Variants in DNAJB14 observed in about 807,000 individuals in gnomAD.
DNAJB14 encodes the protein dnaJ homolog subfamily B member 14.
DNAJB14 carries 22 observed loss-of-function variants against 48.4 expected under a neutral mutation model. That is an observed-to-expected ratio of 0.45 (90% CI 0.32 to 0.65). The LOEUF is 0.65. Among genes scored for constraint, DNAJB14 ranks in the 30% least tolerant of loss-of-function variants. The probability of loss-of-function intolerance (pLI) is 0.03; values close to 1 mark genes in which losing one functional copy is unlikely to be tolerated. For synonymous variants in DNAJB14, 142 were observed against 158.7 expected (o/e 0.89, Z 0.79); for missense variants, 319 against 458.8 (o/e 0.70, Z 2.78).
intron 3 of DNAJB14, among the ~76,000 whole-genome samples, chr4:99,914,256 C>T (rs949789284): frequency 5.3e-5 from 8 of 152,236 alleles, no homozygotes; most frequent in African/African-American, 1.7e-4. Context: ...AAATGTCCAA[C>T]AATGATAGAC....
Position 99,903,758 on chromosome 4 carries a change from A to T in DNAJB14, c.983T>A (p.Ile328Asn). ...TCTTTCTTTCCAGCAGTTATTTCGA[A>T]TATTAGTCACATAATCTTCCTCCAC... ...KSVEEDYVTN[I>N]RNNCWKERQQ... The change falls in exon 7 of 8, where the codon ATT becomes AAT. Residue 328 changes from isoleucine to asparagine, a missense_variant. Transcript: ENST00000442697. 1 of 1,610,072 alleles carries T rather than the reference A, an allele frequency of 6.2e-7. No homozygotes were observed. The highest frequency in any genetic ancestry group is 8.5e-7 in the Non-Finnish European group (1 of 1,178,786).
At chr4:99,934,719 G>A (rs1282869685) in intron 1 of DNAJB14, among the ~76,000 whole-genome samples, 1 of 145,138 alleles carries the variant, frequency 6.9e-6, no homozygotes, top group Non-Finnish European at 1.5e-5. Context: ...CTTGAACCTG[G>A]AGGTGGAGGT....
In DNAJB14 at chr4:99,897,352, T is replaced by C. The variant is rs938389903; in HGVS notation, c.*3676A>G. ...ACACATAGGGAATATACAAAAAATATGGTGCTATAATCCTTAATATAAGGA... is the reference window on the plus strand; with the variant it reads ...ACACATAGGGAATATACAAAAAATACGGTGCTATAATCCTTAATATAAGGA... On this transcript the variant is annotated 3_prime_UTR_variant, in exon 8 of 8. Transcript: ENST00000442697. The C allele has an allele frequency of 6.6e-6, 1 of 151,668 alleles. No individual in the cohort carries two copies. Among genetic ancestry groups the C allele is most frequent in the African/African-American group, 2.4e-5 (1 of 41,330 alleles). The allele number at this position is 151,668 out of a possible 1,614,324, so 9.4% of individuals were successfully genotyped here.
chr4:99,925,513 T>C (rs953605306), intron 2 of DNAJB14: 1 of 152,162 alleles, frequency 6.6e-6, no homozygotes, highest in African/African-American at 2.4e-5. Flanking sequence ...ATATTATTCC[T>C]ATTTAACCAA....
chr4:99,946,440 G>A lies in DNAJB14; in HGVS notation c.132C>T (p.Arg44=), dbSNP rs751136617. The A allele has an allele frequency of 3.7e-6, 6 of 1,611,136 alleles. No homozygotes were observed. The highest frequency in any genetic ancestry group is 1.1e-5 in the South Asian group (1 of 90,620). ...AEKLYPLPSA[R]ALLEIIMKNG... ...AGAGAAGGGACGCTGAGGTCTCACC[G>A]CGGGCCGAGGGCAGTGGGTAGAGCT... The change falls in exon 1 of 8, where the codon CGC becomes CGT. Residue 44 remains arginine (R), a splice_region_variant and synonymous_variant. Transcript: ENST00000442697.
intron 2 of DNAJB14, chr4:99,925,002 G>A (rs1156662235): frequency 3.4e-6 from 2 of 585,312 alleles, no homozygotes; most frequent in Non-Finnish European, 6.1e-6. Flanking sequence ...GTTATGGACT[G>A]CTGCCCTAGA....
intron 3 of DNAJB14, among the ~76,000 whole-genome samples, chr4:99,909,463 T>G (rs1725583762): frequency 6.6e-6 from 1 of 152,012 alleles, no homozygotes. Flanking sequence ...CCCAAACAAT[T>G]TATCCCCTAA....
At position 99,906,558 on chromosome 4, in the gene DNAJB14, G is replaced by A; in HGVS notation, c.691C>T (p.His231Tyr). 6.2e-7 allele frequency: 1 copy of A among 1,611,422 alleles called. No homozygotes were observed. ...GRAGYSQQHQHRHSGHEREEE... is the reference protein window; with the variant it reads ...GRAGYSQQHQYRHSGHEREEE... ...TCTCTTTCATGTCCACTATGTCGAT[G>A]CTGATGTTGTTGGCTATAACCAGCT... Residue 231 changes from histidine to tyrosine, a missense_variant, in exon 5 of 8, where the codon CAT becomes TAT. By Grantham distance (83) the His-to-Tyr change is moderately conservative. Coordinates refer to ENST00000442697, the MANE Select transcript of DNAJB14 (RefSeq NM_001031723.4).
Position 99,905,558 on chromosome 4 carries a change from A to C in DNAJB14, c.842+39T>G, listed in dbSNP as rs1408711422. On this transcript the variant is annotated intron_variant, in intron 6 of 7. Transcript: ENST00000442697. ...TAAAGGAAGCTAGGTCAGAAATAGCAACAATTCATTTTTTGTAAAACTTCA... is the reference window on the plus strand; with the variant it reads ...TAAAGGAAGCTAGGTCAGAAATAGCCACAATTCATTTTTTGTAAAACTTCA... The C allele has an allele frequency of 2.0e-6, 3 of 1,519,930 alleles. No individual in the cohort carries two copies. In the African/African-American group the frequency reaches 4.1e-5, roughly 21 times the overall value. The allele number at this position is 1,519,930 out of a possible 1,614,324, so 94.2% of individuals were successfully genotyped here. A position where few individuals can be genotyped will look rare whatever the true frequency, so the allele number is the denominator to read the frequency against.
intron 1 of DNAJB14, 96 bp downstream of exon 1, chr4:99,946,343 C>T: frequency 6.5e-7 from 1 of 1,527,476 alleles, no homozygotes; most frequent in Non-Finnish European, 8.8e-7. Context: ...GGCCGGGGGC[C>T]CCGCAGGCCT....
intron 3 of DNAJB14, among the ~76,000 whole-genome samples, chr4:99,913,621 GT>G (rs372025043): frequency 0.023 from 2,463 of 107,610 alleles, 59 homozygotes; most frequent in African/African-American, 0.07. Context: ...CTGGTCTGTA[GT>G]TTTTTTTTTT....
intron 3 of DNAJB14, among the ~76,000 whole-genome samples, chr4:99,915,101 G>A (rs1725803745): frequency 6.6e-6 from 1 of 152,002 alleles, no homozygotes; most frequent in Admixed American, 6.6e-5. Flanking sequence ...ACTGATTTGA[G>A]GCTGTTCTTC....
Position 99,914,914 on chromosome 4 carries a change from T to C in DNAJB14, c.452-6018A>G, listed in dbSNP as rs562307186. On this transcript the variant is annotated intron_variant, in intron 3 of 7. Coordinates refer to ENST00000442697, the MANE Select transcript of DNAJB14 (RefSeq NM_001031723.4). Reference sequence around the variant, plus strand: ...TGACAATGGTCATTTCTGTCTTCTTTTTTTGGTCAGTCTTTCAATTTTATT... The same window carrying C: ...TGACAATGGTCATTTCTGTCTTCTTCTTTTGGTCAGTCTTTCAATTTTATT... 3.9e-5 allele frequency among the ~76,000 whole-genome samples: 6 copies of C among 152,318 alleles called. No individual in the cohort carries two copies. In the South Asian group the frequency reaches 1.2e-3, roughly 32 times the overall value.
intron 1 of DNAJB14, among the ~76,000 whole-genome samples, chr4:99,937,529 C>G (rs1578237859): frequency 6.9e-6 from 1 of 145,762 alleles, no homozygotes; most frequent in African/African-American, 2.5e-5. Context: ...AGTTCCAGAC[C>G]TGCCTGGGCA....
Position 99,923,136 on chromosome 4 carries a change from C to A in DNAJB14, c.355G>T (p.Ala119Ser). The A allele has an allele frequency of 6.2e-7, 1 of 1,612,786 alleles. No individual in the cohort carries two copies. Among genetic ancestry groups the A allele is most frequent in the Non-Finnish European group, 8.5e-7 (1 of 1,179,292 alleles). ...GCTTTTTTCAAATCTTCATCACCAG[C>A]ATCTTTCGTAACTCCAAGTACTTCA... ...YYEVLGVTKD[A>S]GDEDLKKAYR... The change falls in exon 3 of 8, where the codon GCT (alanine) becomes TCT (serine). Residue 119 changes from alanine to serine, a missense_variant. Ala to Ser is a moderately conservative substitution (Grantham distance 99). Around this residue, in one of 3 missense-constraint regions of DNAJB14, gnomAD observed 37 missense variants for 87.8 expected, o/e 0.42. Coordinates refer to ENST00000442697, the MANE Select transcript of DNAJB14 (RefSeq NM_001031723.4).
At chr4:99,903,472 C>T (rs1725363436) in intron 7 of DNAJB14, among the ~76,000 whole-genome samples, 1 of 151,670 alleles carries the variant, frequency 6.6e-6, no homozygotes, top group Non-Finnish European at 1.5e-5. Context: ...ATTATCAATA[C>T]AATAAAATTT....
intron 2 of DNAJB14, chr4:99,926,760 A>T (rs1430036610): frequency 6.6e-6 from 1 of 151,840 alleles, no homozygotes; most frequent in Non-Finnish European, 1.5e-5. Context: ...AGGGGGGGCC[A>T]GACATGAAAA....
intron 2 of DNAJB14, chr4:99,926,293 A>G (rs560090883): frequency 6.6e-6 from 1 of 152,250 alleles, no homozygotes; most frequent in African/African-American, 2.4e-5. Flanking sequence ...TGTTCACCAT[A>G]TATGTTGGAT....
intron 1 of DNAJB14, among the ~76,000 whole-genome samples, chr4:99,938,555 G>GGT (rs143366800): frequency 2.6e-5 from 4 of 151,212 alleles, no homozygotes; most frequent in East Asian, 3.9e-4. Flanking sequence ...AACAGACTGT[G>GGT]GTGTGTGTGT....
Sources: gnomAD v4.1 joint callset for allele counts (sites outside exome capture counted in the v4.1 genomes callset) on GRCh38, gnomAD v4.1.1 for gene constraint, gnomAD v4.1.1 regional missense constraint, MANE v1.5 for transcripts, NCBI Gene and HGNC (gene_info 2026-07-23, HGNC 2026-07-21) for gene names.